Variants in UGGT1 observed in about 807,000 individuals in gnomAD.
The protein encoded by UGGT1 is UDP-glucose glycoprotein glucosyltransferase 1, also known as UDP-glucose:glycoprotein glucosyltransferase 1.
In UGGT1, 107 loss-of-function variants were observed where a neutral mutation model predicts 203.9. That is an observed-to-expected ratio of 0.52 (90% CI 0.45 to 0.62). UGGT1 has a LOEUF of 0.62. UGGT1 is among the 20% of genes least tolerant of loss of function. The pLI, the probability that UGGT1 is intolerant of heterozygous loss-of-function variation, is 0.00. For missense variants in UGGT1, 1,673 were observed against 1,867.2 expected (o/e 0.90, Z 1.92); for synonymous variants, 628 against 653.5 (o/e 0.96, Z 0.59).
chr2:128,109,690 AAAG>A lies in UGGT1; in HGVS notation c.470_472del (p.Lys157del). The A allele has an allele frequency of 2.5e-6, 4 of 1,614,176 alleles. No individual in the cohort carries two copies. Among genetic ancestry groups the A allele is most frequent in the Non-Finnish European group, 3.4e-6 (4 of 1,180,018 alleles). ...GTAATTCGTTTTTTTCAGTGCATGG[AAAG>A]AAGACTTGTGAATCTGATACCCTTG... On this transcript the variant is annotated inframe_deletion, in exon 5 of 41. Coordinates refer to ENST00000259253, the MANE Select transcript of UGGT1 (RefSeq NM_020120.4).
intron 30 of UGGT1, 64 bp from the exon 31 acceptor site, chr2:128,174,707 CTG>C: frequency 1.6e-6 from 2 of 1,243,396 alleles, no homozygotes; most frequent in Non-Finnish European, 2.3e-6. Context: ...ATAGAAGTAA[CTG>C]TTCCTCAGAA....
At chr2:128,102,819 T>G (rs1687440355) in intron 2 of UGGT1, among the ~76,000 whole-genome samples, 1 of 152,214 alleles carries the variant, frequency 6.6e-6, no homozygotes, top group South Asian at 2.1e-4. Flanking sequence ...CTTGTGAATG[T>G]GCCTTTAATT....
intron 18 of UGGT1, chr2:128,151,099 C>T (rs1015164801): frequency 3.3e-6 from 1 of 305,822 alleles, no homozygotes; most frequent in Non-Finnish European, 6.3e-6. Context: ...TATCCACCCG[C>T]CTCAGCCTCC....
chr2:128,172,827 C>T, intron 29 of UGGT1, 65 bp downstream of exon 29: 2 of 1,461,906 alleles, frequency 1.4e-6, no homozygotes, highest in Non-Finnish European at 1.9e-6. Flanking sequence ...GAATCATAGT[C>T]TAGGTGGGCC....
intron 32 of UGGT1, among the ~76,000 whole-genome samples, chr2:128,177,548 A>G (rs1445936357): frequency 1.3e-5 from 2 of 148,612 alleles, no homozygotes; most frequent in Non-Finnish European, 3.0e-5. Flanking sequence ...TTCTGGTTTC[A>G]CTGCACAGTT....
chr2:128,097,606 A>G, intron 2 of UGGT1, 42 bp downstream of exon 2: 3 of 1,609,098 alleles, frequency 1.9e-6, no homozygotes, highest in Non-Finnish European at 1.7e-6. Flanking sequence ...TTGAGTATAA[A>G]TATAGGCTCT....
chr2:128,173,906 G>A lies in UGGT1; in HGVS notation c.3420G>A (p.Pro1140=), dbSNP rs753792917. 9 of 1,614,006 alleles carry A rather than the reference G, an allele frequency of 5.6e-6. No homozygotes were observed. Among genetic ancestry groups the A allele is most frequent in the East Asian group, 4.5e-5 (2 of 44,898 alleles). The change falls in exon 30 of 41, where the codon CCG becomes CCA. Residue 1140 remains proline, a synonymous_variant. Transcript: ENST00000259253. ...LQFTLGTSAN[P]VIVDTIVMAN... is the part of the protein sequence containing the mutation. ...TTACCTTAGGAACTTCAGCCAACCC[G>A]GTCATTGTGGACACCATTGTTATGG...
chr2:128,179,802 G>A lies in UGGT1; in HGVS notation c.3832G>A (p.Val1278Met), dbSNP rs184244900. Residue 1278 changes from valine to methionine, a missense_variant, in exon 35 of 41, where the codon GTG (valine) becomes ATG (methionine). Around this residue, in one of 4 missense-constraint regions of UGGT1, gnomAD observed 513 missense variants for 684.1 expected, o/e 0.75. Transcript: ENST00000259253. ...ERFLRIMMLS[V>M]LKNTKTPVKF... ...GTTTGGCAGCATAATGATGCTATCC[G>A]TGCTGAAGAATACCAAGACTCCTGT... The A allele has an allele frequency of 1.7e-5, 27 of 1,613,626 alleles. No individual in the cohort carries two copies. The Admixed American group carries it at 2.2e-4, about 13-fold the overall frequency.
intron 18 of UGGT1, among the ~76,000 whole-genome samples, chr2:128,147,672 A>G (rs1689755530): frequency 6.6e-6 from 1 of 151,616 alleles, no homozygotes. Flanking sequence ...GTACAGTGAC[A>G]TGATCTTAGC....
Position 128,178,568 on chromosome 2 carries a change from C to T in UGGT1, c.3814C>T (p.Arg1272Cys), listed in dbSNP as rs912349151. The T allele has an allele frequency of 6.2e-6, 10 of 1,608,042 alleles. No homozygotes were observed. Among genetic ancestry groups the T allele is most frequent in the Non-Finnish European group, 8.5e-6 (10 of 1,177,972 alleles). ...TGGTCATCTCTACGAAAGATTTCTT[C>T]GGTCAGTCTTGTTGATTATTTCATT... ...ASGHLYERFL[R>C]IMMLSVLKNT... Residue 1272 changes from arginine to cysteine, a missense_variant and splice_region_variant, in exon 34 of 41, where the codon CGC becomes TGC. Transcript: ENST00000259253.
At position 128,187,230 on chromosome 2, in the gene UGGT1, C is replaced by CT. The variant is rs1573640240; in HGVS notation, c.4477-216dup. ...GTGCCTTGTAATTTTTCCAAATGGA[C>CT]TTTCACTTTTCCTGCCTTCCATTAG... On this transcript the variant is annotated intron_variant, in intron 39 of 40. Transcript: ENST00000259253. 30 of 424,466 alleles carry CT rather than the reference C, an allele frequency of 7.1e-5. No individual in the cohort carries two copies. In the East Asian group the frequency reaches 1.1e-3, roughly 15 times the overall value. 26.3% of individuals were successfully genotyped at this position (424,466 alleles called of 1,614,324 possible).
At chr2:128,102,944 A>G (rs374429901) in intron 2 of UGGT1, 1 of 413,036 alleles carries the variant, frequency 2.4e-6, no homozygotes, top group African/African-American at 2.1e-5. Context: ...TAGAAAGCCT[A>G]GAAAAATACT....
chr2:128,159,519 C>T lies in UGGT1; in HGVS notation c.2361C>T (p.Ser787=), dbSNP rs373698615. Reference sequence around the variant, plus strand: ...GTTTCCCATTTTGTGAACAGAAATCCAGTAACAATGTTAGAATAAGCATGA... The same window carrying T: ...GTTTCCCATTTTGTGAACAGAAATCTAGTAACAATGTTAGAATAAGCATGA... The part of the protein sequence containing the change: ...LLYDAIKHQK[S]SNNVRISMIN... Residue 787 remains serine, a synonymous_variant, in exon 23 of 41, where the codon TCC becomes TCT. Transcript: ENST00000259253. 1.2e-5 allele frequency: 20 copies of T among 1,613,550 alleles called. No individual in the cohort carries two copies. The African/African-American group carries it at 2.1e-4, about 17-fold the overall frequency.
rs149319846 is a variant in UGGT1, at chr2:128,141,934, T to C, written c.1720-1160T>C. ...TAGTTTTTATTTCAAGGACTACTTA[T>C]AAGTGTTGAGATTTTTCTCTTTTTT... On this transcript the variant is annotated intron_variant, in intron 16 of 40. Transcript: ENST00000259253. Among the ~76,000 whole-genome samples, 3 of 152,226 alleles carry C rather than the reference T, an allele frequency of 2.0e-5. No homozygotes were observed. The East Asian group carries it at 5.8e-4, about 30-fold the overall frequency.
At chr2:128,131,344 A>G (rs1688869329) in intron 13 of UGGT1, among the ~76,000 whole-genome samples, 1 of 151,906 alleles carries the variant, frequency 6.6e-6, no homozygotes, top group Non-Finnish European at 1.5e-5. Context: ...ACTTTAGCTC[A>G]GGAGTTGGAG....
Position 128,150,075 on chromosome 2 carries a change from A to G in UGGT1, c.2017-2709A>G, listed in dbSNP as rs114328521. ...TGCTACAGTGAATATTCTAATATGT[A>G]TATACCTTTGTACATTGTCTTGAAA... On this transcript the variant is annotated intron_variant, in intron 18 of 40. Transcript: ENST00000259253. Among the ~76,000 whole-genome samples the G allele has an allele frequency of 4.4e-3, 673 of 152,350 alleles. 2 individuals are homozygous for G. Among genetic ancestry groups the G allele is most frequent in the African/African-American group, 0.015 (639 of 41,588 alleles).
intron 16 of UGGT1, among the ~76,000 whole-genome samples, chr2:128,139,330 C>T (rs573313528): frequency 3.3e-5 from 5 of 152,310 alleles, no homozygotes; most frequent in African/African-American, 1.2e-4. Context: ...AAGGGATCCT[C>T]CCATGTCAGT....
intron 29 of UGGT1, among the ~76,000 whole-genome samples, chr2:128,173,363 G>A (rs766902618): frequency 2.0e-5 from 3 of 152,134 alleles, no homozygotes; most frequent in Admixed American, 1.3e-4. Flanking sequence ...CTACTGATAC[G>A]TGAGTACAGG....
At chr2:128,113,384 C>A in intron 6 of UGGT1, 126 bp downstream of exon 6, 1 of 758,564 alleles carries the variant, frequency 1.3e-6, no homozygotes, top group Non-Finnish European at 1.9e-6. Flanking sequence ...TTGACAAATC[C>A]AGTAGTTTCA....
Sources: allele counts gnomAD v4.1 joint callset (sites outside exome capture counted in the v4.1 genomes callset), GRCh38; gene constraint gnomAD v4.1.1; regional missense constraint gnomAD v4.1.1; transcripts MANE v1.5; gene names NCBI Gene and HGNC (gene_info 2026-07-23, HGNC 2026-07-21).